Variants in KANSL1L observed in about 807,000 individuals in gnomAD.
KANSL1L encodes KAT8 regulatory NSL complex subunit 1-like protein.
In KANSL1L, 25 loss-of-function variants were observed where a neutral mutation model predicts 108.6. The ratio of observed to expected loss-of-function variants is 0.23; its 90% CI spans 0.17 to 0.32. The LOEUF is 0.32. Among genes scored for constraint, KANSL1L ranks in the 10% least tolerant of loss-of-function variants. The pLI is 1.00. For missense variants in KANSL1L, 1,137 were observed against 1,125.7 expected (o/e 1.01, Z -0.14); for synonymous variants, 405 against 395.1 (o/e 1.03, Z -0.30).
intron 5 of KANSL1L, among the ~76,000 whole-genome samples, chr2:210,079,648 A>ATGTATGTGTG (rs1553653241): frequency 2.6e-4 from 4 of 15,194 alleles, no homozygotes; most frequent in East Asian, 5.0e-3. Flanking sequence ...ATATATATAT[A>ATGTATGTGTG]TATATATATA....
At chr2:210,037,626 A>G (rs572557010) in intron 8 of KANSL1L, among the ~76,000 whole-genome samples, 70 of 152,306 alleles carry the variant, frequency 4.6e-4, no homozygotes, top group African/African-American at 1.6e-3. Flanking sequence ...CCGTATACCT[A>G]TCCTTCCGTC....
At chr2:210,075,792 G>T (rs367635630) in intron 5 of KANSL1L, 36 bp from the exon 6 acceptor site, 47 of 1,466,254 alleles carry the variant, frequency 3.2e-5, no homozygotes, top group Non-Finnish European at 4.3e-5. Flanking sequence ...CGTGGGAAGG[G>T]AATAAAACAA....
intron 3 of KANSL1L, among the ~76,000 whole-genome samples, chr2:210,122,266 T>C (rs1575574423): frequency 6.6e-6 from 1 of 152,076 alleles, no homozygotes; most frequent in Non-Finnish European, 1.5e-5. Context: ...AAGAATCACA[T>C]TAACTGACTT....
chr2:210,151,306 C>A (rs1377355309), intron 2 of KANSL1L: 1 of 152,226 alleles, frequency 6.6e-6, no homozygotes, highest in Non-Finnish European at 1.5e-5. Flanking sequence ...CAGGCGTGAG[C>A]CACCAAGCCC....
chr2:210,090,102 C>G (rs1312075991), intron 5 of KANSL1L, among the ~76,000 whole-genome samples: 1 of 152,166 alleles, frequency 6.6e-6, no homozygotes, highest in East Asian at 1.9e-4. Flanking sequence ...AAGACTATAT[C>G]TAAAAGTTTA....
Position 210,044,243 on chromosome 2 carries a change from C to T in KANSL1L, c.1756-139G>A. 2.1e-6 allele frequency: 1 copy of T among 484,984 alleles called. No individual in the cohort carries two copies. The highest frequency in any genetic ancestry group is 3.5e-6 in the Non-Finnish European group (1 of 286,258). 30.0% of individuals were successfully genotyped at this position (484,984 alleles called of 1,614,324 possible). A position where few individuals can be genotyped will look rare whatever the true frequency, so the allele number is the denominator to read the frequency against. On this transcript the variant is annotated intron_variant, in intron 6 of 14. Coordinates refer to ENST00000281772, the MANE Select transcript of KANSL1L (RefSeq NM_152519.4). The surrounding 1 kb of genome is among the most constrained non-coding windows in gnomAD (Gnocchi z 4.2). The stretch of plus-strand genomic sequence containing the variant: ...ACAAATATTTTGCTAGATGTTTTCC[C>T]AATTAACTTTAATATTTATTAATTC...
chr2:210,054,280 C>G (rs182505569), intron 6 of KANSL1L, among the ~76,000 whole-genome samples: 343 of 148,352 alleles, frequency 2.3e-3, no homozygotes, highest in African/African-American at 8.1e-3. Flanking sequence ...CAAGATCACA[C>G]CACTGTACTC....
At chr2:210,133,321 T>G (rs1387642753) in intron 2 of KANSL1L, among the ~76,000 whole-genome samples, 1 of 152,120 alleles carries the variant, frequency 6.6e-6, no homozygotes, top group African/African-American at 2.4e-5. Context: ...TAATTCATAT[T>G]TTTTATTATT....
In KANSL1L at chr2:210,154,565, C is replaced by T. The variant is rs554870938; in HGVS notation, c.18G>A (p.Arg6=). 6.5e-7 allele frequency: 1 copy of T among 1,531,294 alleles called. No homozygotes were observed. Among genetic ancestry groups the T allele is most frequent in the African/African-American group, 1.4e-5 (1 of 72,200 alleles). The allele number at this position is 1,531,294 out of a possible 1,614,324, so 94.9% of individuals were successfully genotyped here. The change falls in exon 2 of 15, where the codon AGG becomes AGA. Residue 6 remains arginine, a synonymous_variant. Coordinates refer to ENST00000281772, the MANE Select transcript of KANSL1L (RefSeq NM_152519.4). The part of the protein sequence containing the change: MTPAL[R]EATAKGISFS... ...AGCTGATACCCTTTGCTGTTGCCTC[C>T]CTCAGAGCTGGGGTCATGGCGATTC...
chr2:210,071,112 T>C (rs1177187373), intron 6 of KANSL1L, among the ~76,000 whole-genome samples: 2 of 151,750 alleles, frequency 1.3e-5, no homozygotes, highest in African/African-American at 4.8e-5. Context: ...GAGCTGAGAT[T>C]GTGCCAGTGC....
intron 1 of KANSL1L, among the ~76,000 whole-genome samples, chr2:210,170,836 C>A (rs1688293558): frequency 6.6e-6 from 1 of 152,146 alleles, no homozygotes; most frequent in Admixed American, 6.5e-5. Context: ...GGAGGTCTGC[C>A]AAGCCCCACC....
chr2:210,084,532 T>C (rs1225754623), intron 5 of KANSL1L, among the ~76,000 whole-genome samples: 1 of 152,182 alleles, frequency 6.6e-6, no homozygotes, highest in Non-Finnish European at 1.5e-5. Context: ...ATAAAATTAC[T>C]TCTAATAGAT....
At chr2:210,069,246 C>T (rs2110310) in intron 6 of KANSL1L, among the ~76,000 whole-genome samples, 72,139 of 152,070 alleles carry the variant, frequency 0.47, 19,614 homozygotes, top group Middle Eastern at 0.61. Flanking sequence ...AATAACGTGT[C>T]CCCCATTTCC....
intron 1 of KANSL1L, among the ~76,000 whole-genome samples, chr2:210,170,844 A>AC (rs1007935421): frequency 4.9e-5 from 6 of 123,406 alleles, no homozygotes; most frequent in South Asian, 2.6e-4. Flanking sequence ...GCCAAGCCCC[A>AC]CCCCCCACGT....
At chr2:210,058,901 A>G (rs866823616) in intron 6 of KANSL1L, among the ~76,000 whole-genome samples, 1 of 149,078 alleles carries the variant, frequency 6.7e-6, no homozygotes. Context: ...ACCTGCCAAC[A>G]TGTGGTATCT....
At chr2:210,100,453 A>T (rs934701756) in intron 4 of KANSL1L, among the ~76,000 whole-genome samples, 16 of 152,212 alleles carry the variant, frequency 1.1e-4, no homozygotes, top group Non-Finnish European at 2.9e-5. Context: ...TTATTTTTTA[A>T]ATGATAGTCT....
intron 5 of KANSL1L, among the ~76,000 whole-genome samples, chr2:210,085,113 C>T (rs2094625351): frequency 6.6e-6 from 1 of 151,946 alleles, no homozygotes; most frequent in Admixed American, 6.6e-5. Flanking sequence ...TTATGGTTAA[C>T]AGTATTAAAT....
At chr2:210,161,402 T>C (rs2125672255) in intron 1 of KANSL1L, among the ~76,000 whole-genome samples, 1 of 152,328 alleles carries the variant, frequency 6.6e-6, no homozygotes, top group South Asian at 2.1e-4. Flanking sequence ...ACTGAATACG[T>C]ATTTCATACC....
rs551873597 is a variant in KANSL1L, at chr2:210,129,147, G to A, written c.1114C>T (p.Leu372Phe). 2.5e-4 allele frequency: 411 copies of A among 1,613,812 alleles called. 4 individuals carry two copies. In the South Asian group the frequency reaches 4.2e-3, roughly 17 times the overall value. The change falls in exon 3 of 15, where the codon CTT becomes TTT. Residue 372 changes from leucine (L) to phenylalanine (F), a missense_variant. Physicochemically the swap from Leu to Phe is conservative, Grantham distance 22. Coordinates refer to ENST00000281772, the MANE Select transcript of KANSL1L (RefSeq NM_152519.4). ...CTGCCAACTCGTGCTCTGTCTACAA[G>A]CCACTTCCATTCAGTACTACAGTTA... Reference protein sequence around the residue: ...AVNCSTEWKWLVDRARVGSRW... With the variant: ...AVNCSTEWKWFVDRARVGSRW...
Sources: gnomAD v4.1 joint callset for allele counts (sites outside exome capture counted in the v4.1 genomes callset) on GRCh38, gnomAD v4.1.1 for gene constraint, Gnocchi (gnomAD v3.1) non-coding constraint, MANE v1.5 for transcripts, NCBI Gene and HGNC (gene_info 2026-07-23, HGNC 2026-07-21) for gene names.